Variants in OPHN1 observed in about 807,000 individuals in gnomAD.
OPHN1 encodes oligophrenin 1.
Under a neutral mutation model 60.7 loss-of-function variants are expected in OPHN1, and 11 were observed. The observed-to-expected ratio is 0.18, with a 90% confidence interval of 0.11 to 0.30. OPHN1 has a LOEUF of 0.30. OPHN1 is among the 10% of genes least tolerant of loss of function. The pLI, the probability that OPHN1 is intolerant of heterozygous loss-of-function variation, is 1.00. For synonymous variants in OPHN1, 226 were observed against 222.6 expected (o/e 1.02, Z -0.14); for missense variants, 449 against 611.0 (o/e 0.73, Z 2.80).
intron 2 of OPHN1, among the ~76,000 whole-genome samples, chrX:68,394,318 G>A (rs2078672357): frequency 9.0e-6 from 1 of 111,539 alleles, no homozygotes; most frequent in Non-Finnish European, 1.9e-5. Flanking sequence ...TTAGAATCAT[G>A]CATCAGTACC....
At chrX:68,394,636 G>A (rs1256378183) in intron 2 of OPHN1, among the ~76,000 whole-genome samples, 1 of 111,603 alleles carries the variant, frequency 9.0e-6, no homozygotes, top group African/African-American at 3.3e-5. Context: ...GAATTTACAT[G>A]TTAAGTTTTT....
intron 7 of OPHN1, 95 bp downstream of exon 7, chrX:68,213,767 C>T (rs921374954): frequency 1.9e-5 from 11 of 565,261 alleles, no homozygotes; most frequent in Non-Finnish European, 3.4e-5. Context: ...TTATCCTTCA[C>T]GTTCTTTGGG....
chrX:68,353,508 A>T (rs2147707380), intron 2 of OPHN1, among the ~76,000 whole-genome samples: 1 of 107,471 alleles, frequency 9.3e-6, no homozygotes, highest in African/African-American at 3.4e-5. Flanking sequence ...CGGGAGGAGG[A>T]GGTTGCAATG....
At chrX:68,372,154 T>A (rs1052114388) in intron 2 of OPHN1, among the ~76,000 whole-genome samples, 10 of 112,198 alleles carry the variant, frequency 8.9e-5, no homozygotes, top group Non-Finnish European at 1.7e-4. Context: ...AAAAAGCAAT[T>A]CCATGAAAAT....
Position 68,274,781 on chromosome X carries a change from T to C in OPHN1, c.341A>G (p.Lys114Arg), listed in dbSNP as rs771754685. ...TTCCTTCCGGAAATTTTCCAAGGGT[T>C]TAATCAGCAAATCACTAGCATTGTG... is the stretch of plus-strand genomic sequence containing the variant. Reference protein sequence around the residue: ...MVHNASDLLIKPLENFRKEQI... With the variant: ...MVHNASDLLIRPLENFRKEQI... Residue 114 changes from lysine to arginine, a missense_variant, in exon 5 of 25, where the codon AAA becomes AGA. Around this residue, in one of 4 missense-constraint regions of OPHN1, gnomAD observed 99 missense variants for 155.2 expected, o/e 0.64. Transcript: ENST00000355520. The C allele has an allele frequency of 8.3e-7, 1 of 1,205,876 alleles. No individual in the cohort carries two copies. The highest frequency in any genetic ancestry group is 1.8e-5 in the South Asian group (1 of 56,781).
intron 2 of OPHN1, among the ~76,000 whole-genome samples, chrX:68,312,100 A>ATTT (rs112240586): frequency 2.2e-5 from 2 of 92,254 alleles, no homozygotes; most frequent in African/African-American, 4.0e-5. Flanking sequence ...ATTATATTCT[A>ATTT]TTTTTTTTTT....
intron 2 of OPHN1, among the ~76,000 whole-genome samples, chrX:68,317,509 AAGAGAG>A (rs1204107386): frequency 3.3e-5 from 2 of 60,916 alleles, no homozygotes; most frequent in African/African-American, 1.9e-4. Flanking sequence ...GAGGGAGGGA[AAGAGAG>A]AGAGAAAGAA....
At chrX:68,262,050 G>T (rs2077896305) in intron 5 of OPHN1, among the ~76,000 whole-genome samples, 1 of 111,563 alleles carries the variant, frequency 9.0e-6, no homozygotes, top group Non-Finnish European at 1.9e-5. Flanking sequence ...AAGAGTTTAA[G>T]TATATTATTT....
At chrX:68,221,622 C>T (rs1363745740) in intron 6 of OPHN1, among the ~76,000 whole-genome samples, 3 of 89,850 alleles carry the variant, frequency 3.3e-5, no homozygotes, top group Non-Finnish European at 6.7e-5. Context: ...AGAAATAATG[C>T]CGCATACCTA....
chrX:68,142,523 G>A (rs1057496918), intron 15 of OPHN1, among the ~76,000 whole-genome samples: 3 of 111,770 alleles, frequency 2.7e-5, no homozygotes, highest in Non-Finnish European at 5.6e-5. Flanking sequence ...AATTTGTGAC[G>A]AAGTACCAGT....
chrX:68,306,012 G>C (rs1483751546), intron 2 of OPHN1, among the ~76,000 whole-genome samples: 1 of 111,933 alleles, frequency 8.9e-6, no homozygotes, highest in African/African-American at 3.2e-5. Flanking sequence ...TAAAACAATG[G>C]AAATAATTTT....
chrX:68,220,212 T>C (rs752624762), intron 6 of OPHN1, among the ~76,000 whole-genome samples: 16,697 of 98,660 alleles, frequency 0.17, 1,311 homozygotes, highest in African/African-American at 0.28. Flanking sequence ...ACACATACAC[T>C]CTCCCAAGAC....
Position 68,430,920 on chromosome X carries a change from T to C in OPHN1, c.154+1947A>G, listed in dbSNP as rs770215001. On this transcript the variant is annotated intron_variant, in intron 2 of 24. Transcript: ENST00000355520. The stretch of plus-strand genomic sequence containing the variant: ...ACTTTTGCTCTTCCACCATGTTTTA[T>C]TGAACTACTTTTTTTCTTATAAATC... Among the ~76,000 whole-genome samples the C allele has an allele frequency of 2.7e-5, 3 of 112,014 alleles. No homozygotes were observed. In the South Asian group the frequency reaches 1.1e-3, roughly 42 times the overall value.
chrX:68,323,166 A>G lies in OPHN1; in HGVS notation c.155-24070T>C, dbSNP rs751453137. On this transcript the variant is annotated intron_variant, in intron 2 of 24. Coordinates refer to ENST00000355520, the MANE Select transcript of OPHN1 (RefSeq NM_002547.3). ...GCATAGAACGATACATATACATTGT[A>G]CCATTGTCAGTTTCCTGGTTTTTAT... is the stretch of plus-strand genomic sequence containing the variant. Among the ~76,000 whole-genome samples, 37 of 112,247 alleles carry G rather than the reference A, an allele frequency of 3.3e-4. No individual in the cohort carries two copies. In the South Asian group the frequency reaches 0.013, roughly 40 times the overall value.
intron 20 of OPHN1, among the ~76,000 whole-genome samples, chrX:68,068,764 G>GTAC (rs1357520783): frequency 8.9e-6 from 1 of 112,017 alleles, no homozygotes; most frequent in African/African-American, 3.2e-5. Flanking sequence ...AAAGAATGAA[G>GTAC]TACTGATACA....
intron 2 of OPHN1, among the ~76,000 whole-genome samples, chrX:68,410,940 G>A (rs985893000): frequency 3.6e-5 from 4 of 111,802 alleles, no homozygotes; most frequent in African/African-American, 1.3e-4. Flanking sequence ...TATTTCAGCC[G>A]TAAAAAGAAA....
chrX:68,138,605 T>C (rs1307935676), intron 15 of OPHN1, among the ~76,000 whole-genome samples: 1 of 111,970 alleles, frequency 8.9e-6, no homozygotes, highest in Non-Finnish European at 1.9e-5. Context: ...GGCTATACCG[T>C]ACAAGACAAT....
chrX:68,323,956 T>C (rs1181834994), intron 2 of OPHN1, among the ~76,000 whole-genome samples: 1 of 111,962 alleles, frequency 8.9e-6, no homozygotes, highest in Non-Finnish European at 1.9e-5. Context: ...AAGAACTTCA[T>C]TAACCTGATG....
At chrX:68,287,349 A>C (rs1299682926) in intron 3 of OPHN1, among the ~76,000 whole-genome samples, 1 of 107,285 alleles carries the variant, frequency 9.3e-6, no homozygotes, top group East Asian at 2.9e-4. Flanking sequence ...AAAAAAAAAA[A>C]AAAACAATCA....
Sources: allele counts gnomAD v4.1 joint callset (sites outside exome capture counted in the v4.1 genomes callset), GRCh38; gene constraint gnomAD v4.1.1; regional missense constraint gnomAD v4.1.1; transcripts MANE v1.5; gene names NCBI Gene and HGNC (gene_info 2026-07-23, HGNC 2026-07-21).